The following DYNC2LI1 variants were observed in gnomAD, a reference collection of about 807,000 sequenced individuals.
DYNC2LI1 encodes cytoplasmic dynein 2 light intermediate chain 1.
In DYNC2LI1, 45 loss-of-function variants were observed where a neutral mutation model predicts 51.9. That is an observed-to-expected ratio of 0.87 (90% CI 0.68 to 1.11). DYNC2LI1 has a LOEUF of 1.11. Among genes scored for constraint, DYNC2LI1 ranks in the 50% most tolerant of loss-of-function variants. DYNC2LI1 has a pLI of 0.00. For synonymous variants in DYNC2LI1, 130 were observed against 137.8 expected (o/e 0.94, Z 0.40); for missense variants, 490 against 417.4 (o/e 1.17, Z -1.51).
intron 8 of DYNC2LI1, among the ~76,000 whole-genome samples, chr2:43,799,806 T>C (rs557065583): frequency 1.3e-5 from 2 of 152,242 alleles, no homozygotes; most frequent in Admixed American, 6.5e-5. Context: ...AGAGCAGTTA[T>C]ATTTCTAAAA....
At chr2:43,776,508 T>A (rs948913942) in intron 1 of DYNC2LI1, among the ~76,000 whole-genome samples, 2 of 152,186 alleles carry the variant, frequency 1.3e-5, no homozygotes, top group Admixed American at 6.5e-5. Context: ...CTATGAACCG[T>A]AGGGGAAGAC....
At chr2:43,813,382 C>A, downstream of DYNC2LI1, 3 of 1,106,252 alleles carry the variant, frequency 2.7e-6, no homozygotes, top group Non-Finnish European at 4.1e-6. Context: ...ATTTACCAAG[C>A]GCTTGCTAAG....
chr2:43,784,592 G>A (rs963820881), intron 3 of DYNC2LI1, among the ~76,000 whole-genome samples: 3 of 152,022 alleles, frequency 2.0e-5, no homozygotes, highest in African/African-American at 7.2e-5. Flanking sequence ...GTGCCACCAC[G>A]CCGAGCTAAT....
chr2:43,776,882 A>T lies in DYNC2LI1; in HGVS notation c.109A>T (p.Ile37Phe), dbSNP rs1331615062. ...AEIAEKFVFF[I>F]GSKNGGKTTI... ...AATTGCAGAAAAATTTGTTTTCTTC[A>T]TTGGCAGTAAAAATGGGGTAATGCT... The change falls in exon 2 of 13, where the codon ATT becomes TTT. Residue 37 changes from isoleucine (I) to phenylalanine (F), a missense_variant. Physicochemically the swap from Ile to Phe is conservative, Grantham distance 21. Transcript: ENST00000260605. The T allele has an allele frequency of 1.9e-6, 3 of 1,574,566 alleles. No individual in the cohort carries two copies. The Middle Eastern group carries it at 5.0e-4, about 263-fold the overall frequency.
intron 12 of DYNC2LI1, 31 bp downstream of exon 12, chr2:43,805,277 C>G (rs1471010016): frequency 6.2e-6 from 9 of 1,458,964 alleles, no homozygotes; most frequent in Non-Finnish European, 8.6e-6. Context: ...TTAATTTCAT[C>G]TGAAATTTTA....
chr2:43,816,575 G>T, the DYNC2LI1 span, among the ~76,000 whole-genome samples: 2 of 152,124 alleles, frequency 1.3e-5, no homozygotes, highest in Non-Finnish European at 2.9e-5. Flanking sequence ...ACGGAGTCTT[G>T]TTCTGTCACC....
chr2:43,812,973 A>C, downstream of DYNC2LI1: 1 of 675,970 alleles, frequency 1.5e-6, no homozygotes, highest in Non-Finnish European at 2.7e-6. Context: ...GCTTGGATCC[A>C]AGAGGCACAA....
chr2:43,779,849 C>T (rs1009448437), intron 2 of DYNC2LI1, among the ~76,000 whole-genome samples: 3 of 152,220 alleles, frequency 2.0e-5, no homozygotes, highest in Admixed American at 2.0e-4. Context: ...TAGTTTGATA[C>T]TAATCTGCCC....
At chr2:43,779,718 A>G (rs1171280791) in intron 2 of DYNC2LI1, among the ~76,000 whole-genome samples, 1 of 152,260 alleles carries the variant, frequency 6.6e-6, no homozygotes, top group Non-Finnish European at 1.5e-5. Flanking sequence ...AGTGTGGAGT[A>G]TTCTAAGATG....
the DYNC2LI1 span, chr2:43,824,139 T>G: frequency 1.9e-6 from 3 of 1,614,208 alleles, no homozygotes; most frequent in East Asian, 6.7e-5. Flanking sequence ...ACAACCCTGT[T>G]TTAATTCCTT....
At chr2:43,823,416 T>G in the DYNC2LI1 span, among the ~76,000 whole-genome samples, 1 of 152,050 alleles carries the variant, frequency 6.6e-6, no homozygotes, top group Non-Finnish European at 1.5e-5. Flanking sequence ...AGTCCTTCCC[T>G]CTTATTCCCT....
intron 5 of DYNC2LI1, 44 bp downstream of exon 5, chr2:43,789,765 G>A: frequency 2.6e-6 from 4 of 1,535,046 alleles, no homozygotes; most frequent in East Asian, 2.3e-5. Flanking sequence ...ACACAGGAGT[G>A]TCCCTAGGAG....
At chr2:43,799,581 G>A (rs9309108) in intron 8 of DYNC2LI1, among the ~76,000 whole-genome samples, 22,263 of 152,160 alleles carry the variant, frequency 0.15, 2,379 homozygotes, top group African/African-American at 0.28. Context: ...ACCATTATCT[G>A]AAAACAATGA....
At chr2:43,816,543 C>T in the DYNC2LI1 span, among the ~76,000 whole-genome samples, 1 of 152,058 alleles carries the variant, frequency 6.6e-6, no homozygotes, top group African/African-American at 2.4e-5. Flanking sequence ...TTGGTTTGTG[C>T]TTTGTCTTTT....
the DYNC2LI1 span, chr2:43,828,184 G>A: frequency 6.2e-6 from 10 of 1,607,592 alleles, no homozygotes; most frequent in African/African-American, 1.1e-4. Context: ...ATGGGCTGGG[G>A]AGGACATGAA....
chr2:43,808,564 T>C (rs1269969080), intron 12 of DYNC2LI1, among the ~76,000 whole-genome samples: 1 of 152,208 alleles, frequency 6.6e-6, no homozygotes, highest in Non-Finnish European at 1.5e-5. Flanking sequence ...CCTTAGATGG[T>C]CCCTTTTACA....
chr2:43,822,384 C>T, the DYNC2LI1 span: 28 of 316,094 alleles, frequency 8.9e-5, no homozygotes, highest in South Asian at 3.4e-3. Flanking sequence ...CCTGATCACC[C>T]TCTGCCTCCT....
At chr2:43,823,864 G>T in the DYNC2LI1 span, 1 of 1,591,680 alleles carries the variant, frequency 6.3e-7, no homozygotes, top group Non-Finnish European at 8.6e-7. Context: ...GCTGGAGAAG[G>T]GAGGTATTTA....
intron 2 of DYNC2LI1, among the ~76,000 whole-genome samples, chr2:43,779,333 C>T (rs569155720): frequency 3.9e-5 from 6 of 152,270 alleles, no homozygotes; most frequent in South Asian, 2.1e-4. Context: ...TAAAGAGAAG[C>T]GATTAATGCT....
Sources: allele counts gnomAD v4.1 joint callset (sites outside exome capture counted in the v4.1 genomes callset), GRCh38; gene constraint gnomAD v4.1.1; transcripts MANE v1.5; gene names NCBI Gene and HGNC (gene_info 2026-07-23, HGNC 2026-07-21).